The following IL17RA variants were observed in gnomAD, a reference collection of about 807,000 sequenced individuals.
IL17RA encodes the protein interleukin-17 receptor A.
A neutral mutation model predicts 50.4 loss-of-function variants in IL17RA; 34 were observed. The observed-to-expected ratio is 0.67, with a 90% CI of 0.51 to 0.90. IL17RA has a LOEUF of 0.90. Among genes scored for constraint, IL17RA ranks in the 40% least tolerant of loss-of-function variants. The probability of loss-of-function intolerance (pLI) is 0.00; values close to 1 mark genes in which losing one functional copy is unlikely to be tolerated. For synonymous variants in IL17RA, 585 were observed against 510.4 expected (o/e 1.15, Z -1.97); for missense variants, 1,276 against 1,169.8 (o/e 1.09, Z -1.32).
At chr22:17,088,905 C>T (rs1284478423) in intron 1 of IL17RA, among the ~76,000 whole-genome samples, 2 of 151,852 alleles carry the variant, frequency 1.3e-5, no homozygotes, top group Non-Finnish European at 2.9e-5. Flanking sequence ...AAGCGATTCT[C>T]CTGCCTCAAC....
intron 9 of IL17RA, 24 bp from the exon 10 acceptor site, chr22:17,105,567 C>CT: frequency 6.2e-7 from 1 of 1,609,752 alleles, no homozygotes; most frequent in Non-Finnish European, 8.5e-7. Context: ...GCTATTTTCC[C>CT]TTTTTCCTCT....
At chr22:17,094,111 A>C (rs1351629506) in intron 1 of IL17RA, among the ~76,000 whole-genome samples, 4 of 151,884 alleles carry the variant, frequency 2.6e-5, no homozygotes, top group African/African-American at 9.7e-5. Context: ...AGCCTCTCAA[A>C]TAGCTGGGAC....
At chr22:17,104,940 T>A in intron 9 of IL17RA, 130 bp downstream of exon 9, 1 of 853,024 alleles carries the variant, frequency 1.2e-6, no homozygotes, top group South Asian at 1.4e-5. Flanking sequence ...TTGGAGTCCT[T>A]CAGGCCTGAA....
intron 1 of IL17RA, among the ~76,000 whole-genome samples, chr22:17,091,677 C>CA (rs60640692): frequency 0.094 from 12,548 of 134,002 alleles, 661 homozygotes; most frequent in East Asian, 0.24. Context: ...GACTCTGTCT[C>CA]AAAAAAAAAA....
chr22:17,101,982 T>A lies in IL17RA; in HGVS notation c.551-14T>A. 1 of 1,614,240 alleles carries A rather than the reference T, an allele frequency of 6.2e-7. No homozygotes were observed. The highest frequency in any genetic ancestry group is 8.5e-7 in the Non-Finnish European group (1 of 1,180,032). ...GCAGAGGCTTAATGAGTTTCCTTTT[T>A]TCTGGGTCGACAGACTGTGAGCACG... On this transcript the variant is annotated splice_polypyrimidine_tract_variant and intron_variant, in intron 5 of 12. Coordinates refer to ENST00000319363, the MANE Select transcript of IL17RA (RefSeq NM_014339.7).
In IL17RA at chr22:17,111,760, GATT is replaced by G. The variant is rs2061443913; in HGVS notation, c.*1943_*1945del. ...TGCGCACACATACATGTGCGTGAAA[GATT>G]ATCAATAAAAGTGCATAAATTTGTT... On this transcript the variant is annotated 3_prime_UTR_variant, in exon 13 of 13. Coordinates refer to ENST00000319363, the MANE Select transcript of IL17RA (RefSeq NM_014339.7). 6.6e-6 allele frequency: 1 copy of G among 152,198 alleles called. No homozygotes were observed. The highest frequency in any genetic ancestry group is 1.5e-5 in the Non-Finnish European group (1 of 68,038). 9.4% of individuals were successfully genotyped at this position (152,198 alleles called of 1,614,324 possible).
chr22:17,102,856 A>G (rs2061396713), intron 7 of IL17RA, among the ~76,000 whole-genome samples: 1 of 152,076 alleles, frequency 6.6e-6, no homozygotes, highest in South Asian at 2.1e-4. Context: ...AATGACATAA[A>G]ATATGCCAGG....
In IL17RA at chr22:17,107,746, C is replaced by T. The variant is rs1346228183; in HGVS notation, c.1065C>T (p.Tyr355=). Reference sequence around the variant, plus strand: ...TTCCAGGGCCTGGAAGTGAAAAATACAGTGATGACACCAAATACACCGGTC... The same window carrying T: ...TTCCAGGGCCTGGAAGTGAAAAATATAGTGATGACACCAAATACACCGGTC... ...WRLAGPGSEK[Y]SDDTKYTDGL... is the part of the protein sequence containing the mutation. The change falls in exon 12 of 13, where the codon TAC becomes TAT. Residue 355 remains tyrosine, a synonymous_variant. Transcript: ENST00000319363. The T allele has an allele frequency of 1.9e-6, 3 of 1,613,734 alleles. No homozygotes were observed. The highest frequency in any genetic ancestry group is 2.2e-5 in the East Asian group (1 of 44,882).
chr22:17,105,119 G>A (rs1446986366), intron 9 of IL17RA, among the ~76,000 whole-genome samples: 1 of 152,204 alleles, frequency 6.6e-6, no homozygotes, highest in Non-Finnish European at 1.5e-5. Flanking sequence ...CATGCACTGA[G>A]CGCAGTGCTC....
chr22:17,091,656 T>C lies in IL17RA; in HGVS notation c.139-5406T>C, dbSNP rs569747820. 3.1e-3 allele frequency among the ~76,000 whole-genome samples: 466 copies of C among 151,818 alleles called. 4 individuals are homozygous for C. The highest frequency in any genetic ancestry group is 0.011 in the African/African-American group (438 of 41,354). On this transcript the variant is annotated intron_variant, in intron 1 of 12. Coordinates refer to ENST00000319363, the MANE Select transcript of IL17RA (RefSeq NM_014339.7). Reference sequence around the variant, plus strand: ...TCGCACCACTGCACTCCAGCCTGGGTGACAGAGCGAGACTCTGTCTCAAAA... The same window carrying C: ...TCGCACCACTGCACTCCAGCCTGGGCGACAGAGCGAGACTCTGTCTCAAAA...
chr22:17,085,630 CG>C (rs1455199134), intron 1 of IL17RA, among the ~76,000 whole-genome samples: 1 of 152,132 alleles, frequency 6.6e-6, no homozygotes, highest in Non-Finnish European at 1.5e-5. Context: ...GGAGCCAGGA[CG>C]GGTCTGGACC....
Position 17,094,654 on chromosome 22 carries a change from A to ACTCTCTCTCTCTCT in IL17RA, c.139-2407_139-2406insTCTCTCTCTCTCTC, listed in dbSNP as rs774982179. On this transcript the variant is annotated intron_variant, in intron 1 of 12. Coordinates refer to ENST00000319363, the MANE Select transcript of IL17RA (RefSeq NM_014339.7). ...TTTCTATTCTCATTTAGTCATACAC[A>ACTCTCTCTCTCTCT]CACTCTCTCTCTCTCTCTCTCTCTC... Among the ~76,000 whole-genome samples, 38 of 21,606 alleles carry ACTCTCTCTCTCTCT rather than the reference A, an allele frequency of 1.8e-3. 1 individual carries two copies. The highest frequency in any genetic ancestry group is 4.0e-3 in the African/African-American group (14 of 3,464). 14.2% of individuals were successfully genotyped at this position (21,606 alleles called of 152,430 possible).
chr22:17,109,242 G>C lies in IL17RA; in HGVS notation c.2023G>C (p.Gly675Arg), dbSNP rs1430023191. 1.3e-6 allele frequency: 2 copies of C among 1,491,200 alleles called. No homozygotes were observed. The highest frequency in any genetic ancestry group is 2.8e-5 in the African/African-American group (2 of 71,842). 92.4% of individuals were successfully genotyped at this position (1,491,200 alleles called of 1,614,324 possible). The change falls in exon 13 of 13, where the codon GGG (glycine) becomes CGG (arginine). Residue 675 changes from glycine to arginine, a missense_variant. Physicochemically the swap from Gly to Arg is moderately radical, Grantham distance 125. Transcript: ENST00000319363. ...LHTLVLAAEE[G>R]ALVAAVEPGP... The stretch of plus-strand genomic sequence containing the variant: ...CACCCTGGTGCTCGCCGCAGAGGAG[G>C]GGGCCCTGGTGGCCGCGGTGGAGCC...
In IL17RA at chr22:17,111,730, G is replaced by C. The variant is rs2061443672; in HGVS notation, c.*1910G>C. Reference sequence around the variant, plus strand: ...AGAGCAAACAGGACAGTTTGCATGTGTGTGTGCGCACACATACATGTGCGT... The same window carrying C: ...AGAGCAAACAGGACAGTTTGCATGTCTGTGTGCGCACACATACATGTGCGT... On this transcript the variant is annotated 3_prime_UTR_variant, in exon 13 of 13. Transcript: ENST00000319363. 1 of 152,230 alleles carries C rather than the reference G, an allele frequency of 6.6e-6. No individual in the cohort carries two copies. Among genetic ancestry groups the C allele is most frequent in the South Asian group, 2.1e-4 (1 of 4,824 alleles). 9.4% of individuals were successfully genotyped at this position (152,230 alleles called of 1,614,324 possible).
Position 17,108,290 on chromosome 22 carries a change from T to G in IL17RA, c.1088-17T>G. ...GCCCTGGGGTGAGGGTCAGCATGTG[T>G]GGTCTTGTTTCCTTAGATGGCCTGC... On this transcript the variant is annotated splice_polypyrimidine_tract_variant and intron_variant, in intron 12 of 12. Transcript: ENST00000319363. 2 of 1,613,510 alleles carry G rather than the reference T, an allele frequency of 1.2e-6. No homozygotes were observed. The highest frequency in any genetic ancestry group is 1.7e-6 in the Non-Finnish European group (2 of 1,179,740).
In IL17RA at chr22:17,103,503, G is replaced by T; in HGVS notation, c.772G>T (p.Glu258Ter). Residue 258 changes from glutamate to a stop codon, truncating the protein, a stop_gained, in exon 8 of 13, where the codon GAA becomes TAA. Transcript: ENST00000319363. LOFTEE classifies it high-confidence loss of function. ...TCGCCTCTCTCCTCAGCCCAGACCA[G>T]AAGAGTTCCACCAGCGATCCAACGT... ...HMHHIPAPRP[E>*]EFHQRSNVTL... is the part of the protein sequence containing the mutation. 1 of 1,613,934 alleles carries T rather than the reference G, an allele frequency of 6.2e-7. No individual in the cohort carries two copies. The highest frequency in any genetic ancestry group is 8.5e-7 in the Non-Finnish European group (1 of 1,179,930).
chr22:17,091,332 G>C (rs1306681151), intron 1 of IL17RA, among the ~76,000 whole-genome samples: 1 of 152,152 alleles, frequency 6.6e-6, no homozygotes, highest in Non-Finnish European at 1.5e-5. Flanking sequence ...CCTCAGAATT[G>C]TGAAAGCATT....
intron 1 of IL17RA, among the ~76,000 whole-genome samples, chr22:17,092,847 CCTATT>C (rs752786843): frequency 3.3e-5 from 5 of 151,768 alleles, no homozygotes; most frequent in African/African-American, 1.2e-4. Flanking sequence ...TATATTTTTT[CCTATT>C]CTATTTGTGC....
At chr22:17,106,069 G>A (rs376618548) in intron 11 of IL17RA, 115 bp downstream of exon 11, 9 of 793,098 alleles carry the variant, frequency 1.1e-5, no homozygotes, top group Admixed American at 6.0e-5. Flanking sequence ...TGAGAACCAC[G>A]TCATAAAGCT....
Sources: allele counts gnomAD v4.1 joint callset (sites outside exome capture counted in the v4.1 genomes callset), GRCh38; gene constraint gnomAD v4.1.1; transcripts MANE v1.5; gene names NCBI Gene and HGNC (gene_info 2026-07-23, HGNC 2026-07-21).